The following EIF2AK2 variants were observed in gnomAD, a reference collection of about 807,000 sequenced individuals.
EIF2AK2 encodes the protein eukaryotic translation initiation factor 2 alpha kinase 2, also known as interferon-induced, double-stranded RNA-activated protein kinase.
EIF2AK2 carries 40 observed loss-of-function variants against 70.5 expected under a neutral mutation model. That is an observed-to-expected ratio of 0.57 (90% CI 0.44 to 0.74). The LOEUF is 0.74. EIF2AK2 is among the 30% of genes least tolerant of loss of function. The pLI is 0.00. For missense variants in EIF2AK2, 555 were observed against 644.3 expected (o/e 0.86, Z 1.50); for synonymous variants, 198 against 220.9 (o/e 0.90, Z 0.92).
Position 37,102,272 on chromosome 2 carries a change from A to G in EIF2AK2, c.*5001T>C, listed in dbSNP as rs1478290860. The G allele has an allele frequency of 6.6e-6, 1 of 152,116 alleles. No homozygotes were observed. The highest frequency in any genetic ancestry group is 1.5e-5 in the Non-Finnish European group (1 of 68,030). 9.4% of individuals were successfully genotyped at this position (152,116 alleles called of 1,614,324 possible). On this transcript the variant is annotated 3_prime_UTR_variant, in exon 17 of 17. Transcript: ENST00000233057. Reference sequence around the variant, plus strand: ...AAAAATTACAATTAAATACTTCACCAAAAGAAACAAACAAAAAGTAAGGGG... The same window carrying G: ...AAAAATTACAATTAAATACTTCACCGAAAGAAACAAACAAAAAGTAAGGGG...
Position 37,135,573 on chromosome 2 carries a change from C to T in EIF2AK2, c.723-27G>A, listed in dbSNP as rs530142007. ...TAAAAATTAAGAGTTGAATGTAAAA[C>T]TCAAATAAAATTGAAATCAAATATA... On this transcript the variant is annotated intron_variant, in intron 9 of 16. Coordinates refer to ENST00000233057, the MANE Select transcript of EIF2AK2 (RefSeq NM_001135651.3). 6 of 1,573,418 alleles carry T rather than the reference C, an allele frequency of 3.8e-6. No individual in the cohort carries two copies. In the African/African-American group the frequency reaches 5.5e-5, roughly 14 times the overall value.
intron 10 of EIF2AK2, 133 bp downstream of exon 10, chr2:37,135,351 G>T: frequency 2.8e-6 from 2 of 723,886 alleles, no homozygotes; most frequent in Non-Finnish European, 2.3e-6. Context: ...TAAGACTATT[G>T]TTCTTACCCT....
At position 37,148,916 on chromosome 2, in the gene EIF2AK2, C is replaced by A; in HGVS notation, c.-76G>T. ...AATCACGGAAGTGTGGATGTTGATT[C>A]TGAAGACCGCCAGAGAAGCAAACCT... On this transcript the variant is annotated 5_prime_UTR_variant, in exon 2 of 17. Transcript: ENST00000233057. 1.2e-6 allele frequency: 1 copy of A among 822,600 alleles called. No individual in the cohort carries two copies. The allele number at this position is 822,600 out of a possible 1,614,324, so 51.0% of individuals were successfully genotyped here.
chr2:37,112,433 T>C (rs1674193175), intron 14 of EIF2AK2, among the ~76,000 whole-genome samples: 1 of 152,186 alleles, frequency 6.6e-6, no homozygotes, highest in South Asian at 2.1e-4. Flanking sequence ...TATGAAGATA[T>C]CAATGTTCCT....
intron 11 of EIF2AK2, among the ~76,000 whole-genome samples, chr2:37,124,452 G>A (rs1456370882): frequency 2.0e-5 from 3 of 152,144 alleles, no homozygotes; most frequent in South Asian, 4.1e-4. Context: ...AGTAGAGACA[G>A]AGTTTCACCA....
Position 37,156,926 on chromosome 2 carries a change from CGCCGCCGCCGCCG to C in EIF2AK2, c.-215_-203del. 1 of 187,382 alleles carries C rather than the reference CGCCGCCGCCGCCG, an allele frequency of 5.3e-6. No homozygotes were observed. The highest frequency in any genetic ancestry group is 1.1e-5 in the Non-Finnish European group (1 of 93,952). The allele number at this position is 187,382 out of a possible 1,614,324, so 11.6% of individuals were successfully genotyped here. ...TGCTCACCTGCGCCGCCGCCGCCGC[CGCCGCCGCCGCCG>C]GCCGGAGACCCGCGGCTTCGGGAGA... is the stretch of plus-strand genomic sequence containing the variant. On this transcript the variant is annotated 5_prime_UTR_variant, in exon 1 of 17. Coordinates refer to ENST00000233057, the MANE Select transcript of EIF2AK2 (RefSeq NM_001135651.3).
At chr2:37,153,798 C>A (rs967082621) in intron 1 of EIF2AK2, among the ~76,000 whole-genome samples, 1 of 152,146 alleles carries the variant, frequency 6.6e-6, no homozygotes, top group Non-Finnish European at 1.5e-5. Context: ...CACTGGTATA[C>A]ATATATCTGT....
chr2:37,127,091 G>A (rs1054079454), intron 10 of EIF2AK2, among the ~76,000 whole-genome samples: 2 of 148,634 alleles, frequency 1.3e-5, no homozygotes, highest in Non-Finnish European at 1.5e-5. Context: ...TTTTATAAGA[G>A]AAATGGGCAT....
intron 1 of EIF2AK2, among the ~76,000 whole-genome samples, chr2:37,155,950 AAAAAG>A (rs1553340885): frequency 7.2e-6 from 1 of 138,980 alleles, no homozygotes; most frequent in Non-Finnish European, 1.5e-5. Context: ...AAAAAAAAAA[AAAAAG>A]AAAAGAAAAG....
chr2:37,146,042 C>A (rs1350069733), intron 4 of EIF2AK2, among the ~76,000 whole-genome samples: 1 of 152,080 alleles, frequency 6.6e-6, no homozygotes, highest in African/African-American at 2.4e-5. Context: ...GTGTGAGCCA[C>A]CAAGCCCAGC....
chr2:37,120,659 C>T (rs1450963566), intron 12 of EIF2AK2, among the ~76,000 whole-genome samples: 1 of 149,458 alleles, frequency 6.7e-6, no homozygotes, highest in Non-Finnish European at 1.5e-5. Flanking sequence ...ATTTGTTTAG[C>T]TAATTTATAA....
At chr2:37,111,569 T>C (rs1035268221) in intron 14 of EIF2AK2, among the ~76,000 whole-genome samples, 1 of 151,408 alleles carries the variant, frequency 6.6e-6, no homozygotes, top group African/African-American at 2.4e-5. Context: ...ATATAAACAA[T>C]ATGACCAGGC....
intron 10 of EIF2AK2, among the ~76,000 whole-genome samples, chr2:37,128,373 G>T (rs866418586): frequency 6.6e-6 from 1 of 152,018 alleles, no homozygotes; most frequent in Non-Finnish European, 1.5e-5. Context: ...AATTCCCACA[G>T]AAGTATTTTT....
At chr2:37,130,000 A>C (rs1055429742) in intron 10 of EIF2AK2, among the ~76,000 whole-genome samples, 4 of 152,170 alleles carry the variant, frequency 2.6e-5, no homozygotes, top group Non-Finnish European at 5.9e-5. Flanking sequence ...TTCAAATTTC[A>C]ATGAAGGATC....
chr2:37,125,142 A>G (rs1329168958), intron 11 of EIF2AK2, among the ~76,000 whole-genome samples: 1 of 152,124 alleles, frequency 6.6e-6, no homozygotes, highest in Non-Finnish European at 1.5e-5. Flanking sequence ...CCTCTCGAGA[A>G]GCTGAGATTA....
intron 8 of EIF2AK2, 43 bp from the exon 9 acceptor site, chr2:37,137,060 C>G: frequency 6.6e-7 from 1 of 1,521,844 alleles, no homozygotes; most frequent in Non-Finnish European, 8.9e-7. Flanking sequence ...ATGACTAAAT[C>G]AGTCATCTTC....
intron 4 of EIF2AK2, among the ~76,000 whole-genome samples, chr2:37,142,188 TG>T (rs1455710769): frequency 6.6e-6 from 1 of 152,180 alleles, no homozygotes; most frequent in Non-Finnish European, 1.5e-5. Context: ...TAGAGTGCAG[TG>T]GTGCAACCTC....
At chr2:37,125,798 C>A (rs1674709178) in intron 11 of EIF2AK2, among the ~76,000 whole-genome samples, 1 of 152,202 alleles carries the variant, frequency 6.6e-6, no homozygotes, top group African/African-American at 2.4e-5. Context: ...TTAAGCACTG[C>A]ATTTTGGAGC....
At chr2:37,151,944 T>C (rs969163961) in intron 1 of EIF2AK2, among the ~76,000 whole-genome samples, 1 of 152,184 alleles carries the variant, frequency 6.6e-6, no homozygotes, top group Non-Finnish European at 1.5e-5. Context: ...CGCGCGCCTG[T>C]AGTCCCAGCT....
Sources: allele counts gnomAD v4.1 joint callset (sites outside exome capture counted in the v4.1 genomes callset), GRCh38; gene constraint gnomAD v4.1.1; transcripts MANE v1.5; gene names NCBI Gene and HGNC (gene_info 2026-07-23, HGNC 2026-07-21).